The following GINS1 variants were observed in gnomAD, a reference collection of about 807,000 sequenced individuals.
GINS1 encodes the protein GINS complex subunit 1.
A neutral mutation model predicts 34.9 loss-of-function variants in GINS1; 26 were observed. That is an observed-to-expected ratio of 0.74 (90% CI 0.55 to 1.03). The LOEUF is 1.03. Among genes scored for constraint, GINS1 ranks in the 50% least tolerant of loss-of-function variants. GINS1 has a pLI of 0.00. For missense variants in GINS1, 235 were observed against 237.9 expected (o/e 0.99, Z 0.08); for synonymous variants, 97 against 84.4 (o/e 1.15, Z -0.82).
intron 1 of GINS1, among the ~76,000 whole-genome samples, chr20:25,410,933 C>T (rs1033734093): frequency 2.0e-5 from 3 of 152,156 alleles, no homozygotes; most frequent in African/African-American, 7.2e-5. Context: ...AAAGTGATTA[C>T]ACCCTTTCTA....
chr20:25,414,046 C>T (rs948202665), intron 2 of GINS1, among the ~76,000 whole-genome samples, 192 bp downstream of exon 2: 7 of 151,806 alleles, frequency 4.6e-5, no homozygotes, highest in Middle Eastern at 3.4e-3. Flanking sequence ...AAAAATTAAC[C>T]GGGTGTGGTA....
intron 6 of GINS1, among the ~76,000 whole-genome samples, chr20:25,444,249 G>A (rs374920400): frequency 1.4e-4 from 21 of 151,982 alleles, no homozygotes; most frequent in African/African-American, 4.8e-4. Flanking sequence ...TCCTGACCTC[G>A]TGATCCACCT....
intron 5 of GINS1, among the ~76,000 whole-genome samples, chr20:25,438,512 CTTTTTTT>C (rs35305107): frequency 4.4e-5 from 3 of 67,988 alleles, no homozygotes; most frequent in Non-Finnish European, 7.9e-5. Flanking sequence ...AAGAACAACA[CTTTTTTT>C]TTTTTTTTTT....
chr20:25,437,949 T>C (rs2090462524), intron 5 of GINS1, among the ~76,000 whole-genome samples: 1 of 152,000 alleles, frequency 6.6e-6, no homozygotes, highest in South Asian at 2.1e-4. Flanking sequence ...TGAAACCCCA[T>C]CTCTACTAAA....
chr20:25,441,870 T>TCTATAAA, intron 6 of GINS1, 94 bp downstream of exon 6: 1 of 681,756 alleles, frequency 1.5e-6, no homozygotes. Flanking sequence ...CTTTTGATGA[T>TCTATAAA]CGTTTATATA....
chr20:25,438,650 T>C (rs2090466785), intron 5 of GINS1, among the ~76,000 whole-genome samples: 1 of 150,926 alleles, frequency 6.6e-6, no homozygotes, highest in South Asian at 2.1e-4. Context: ...CCTGGTTTAC[T>C]AAAACCTCCA....
intron 5 of GINS1, among the ~76,000 whole-genome samples, chr20:25,428,935 A>G (rs2146210192): frequency 6.9e-6 from 1 of 145,144 alleles, no homozygotes; most frequent in Middle Eastern, 3.9e-3. Context: ...AGTTTAAATT[A>G]GGGATTTTGG....
At chr20:25,438,217 C>T (rs1017024785) in intron 5 of GINS1, among the ~76,000 whole-genome samples, 1 of 151,810 alleles carries the variant, frequency 6.6e-6, no homozygotes, top group Admixed American at 6.6e-5. Flanking sequence ...GAGTCTATAC[C>T]TAAATGCCAT....
At chr20:25,417,334 T>C in intron 3 of GINS1, 132 bp downstream of exon 3, 3 of 609,678 alleles carry the variant, frequency 4.9e-6, no homozygotes. Context: ...CCTCTGTGTT[T>C]TCATTTTTTT....
chr20:25,411,626 C>T (rs1350683170), intron 1 of GINS1, among the ~76,000 whole-genome samples: 4 of 151,844 alleles, frequency 2.6e-5, no homozygotes, highest in African/African-American at 4.8e-5. Flanking sequence ...TGGCGAAACC[C>T]TGTCTCTACC....
At chr20:25,436,291 T>G (rs2090454509) in intron 5 of GINS1, among the ~76,000 whole-genome samples, 1 of 152,168 alleles carries the variant, frequency 6.6e-6, no homozygotes, top group African/African-American at 2.4e-5. Flanking sequence ...CTTTTGAAAG[T>G]TTGATTATAA....
At chr20:25,419,632 A>G (rs938808612) in intron 4 of GINS1, 3 of 842,376 alleles carry the variant, frequency 3.6e-6, no homozygotes, top group Non-Finnish European at 4.7e-6. Flanking sequence ...AGTAGCTTTA[A>G]TGATTTTTCT....
intron 5 of GINS1, among the ~76,000 whole-genome samples, chr20:25,437,161 GA>G (rs1290663444): frequency 6.6e-6 from 1 of 152,146 alleles, no homozygotes; most frequent in Non-Finnish European, 1.5e-5. Context: ...GGGGAAAAAA[GA>G]AAAATGAATA....
intron 2 of GINS1, among the ~76,000 whole-genome samples, chr20:25,415,059 ACTGT>A (rs1438224593): frequency 3.3e-4 from 51 of 152,344 alleles, no homozygotes; most frequent in African/African-American, 1.2e-3. Flanking sequence ...CAGGGTCTCA[ACTGT>A]CTGTGACATG....
chr20:25,414,643 T>A (rs1036014963), intron 2 of GINS1, among the ~76,000 whole-genome samples: 2 of 152,126 alleles, frequency 1.3e-5, no homozygotes, highest in Non-Finnish European at 2.9e-5. Context: ...GAGGCTGCAG[T>A]GAGCTATGAT....
Position 25,424,451 on chromosome 20 carries a change from A to T in GINS1, c.331-760A>T, listed in dbSNP as rs11699159. Reference sequence around the variant, plus strand: ...TTTCATTGTTTTCAACTTTTTTTTTAAAATAGCAGATTTACTGAGATATGA... The same window carrying T: ...TTTCATTGTTTTCAACTTTTTTTTTTAAATAGCAGATTTACTGAGATATGA... On this transcript the variant is annotated intron_variant, in intron 4 of 6. Coordinates refer to ENST00000262460, the MANE Select transcript of GINS1 (RefSeq NM_021067.5). Among the ~76,000 whole-genome samples the T allele has an allele frequency of 5.1e-4, 77 of 152,276 alleles. 1 individual carries two copies. In the East Asian group the frequency reaches 0.012, roughly 24 times the overall value.
chr20:25,442,342 G>A (rs8122159), intron 6 of GINS1, among the ~76,000 whole-genome samples: 1,722 of 50,986 alleles, frequency 0.034, 28 homozygotes, highest in African/African-American at 0.071. Context: ...CTATCTATCT[G>A]TCTGTCTGTC....
intron 1 of GINS1, among the ~76,000 whole-genome samples, 158 bp downstream of exon 1, chr20:25,408,053 CA>C (rs2090258543): frequency 7.2e-5 from 11 of 152,392 alleles, no homozygotes; most frequent in Admixed American, 7.2e-4. Context: ...AAAGAGAAAG[CA>C]TTCATGCTTA....
At chr20:25,434,553 T>C (rs1782334977) in intron 5 of GINS1, among the ~76,000 whole-genome samples, 1 of 152,108 alleles carries the variant, frequency 6.6e-6, no homozygotes, top group East Asian at 1.9e-4. Context: ...GCTCAATCAA[T>C]CTCCTGCCTC....
Sources: gnomAD v4.1 joint callset for allele counts (sites outside exome capture counted in the v4.1 genomes callset) on GRCh38, gnomAD v4.1.1 for gene constraint, MANE v1.5 for transcripts, NCBI Gene and HGNC (gene_info 2026-07-23, HGNC 2026-07-21) for gene names.